The following ZNF679 variants were observed in gnomAD, a reference collection of about 807,000 sequenced individuals.
ZNF679 encodes hypothetical protein MGC42415.
ZNF679 carries 10 observed loss-of-function variants against 13.4 expected under a neutral mutation model. That is an observed-to-expected ratio of 0.75 (90% CI 0.46 to 1.27). ZNF679 has a LOEUF of 1.27. Ranked by LOEUF, ZNF679 falls within the 50% of genes most tolerant of loss-of-function variation. ZNF679 has a pLI of 0.00. For synonymous variants in ZNF679, 179 were observed against 162.5 expected (o/e 1.10, Z -0.77); for missense variants, 525 against 477.8 (o/e 1.10, Z -0.92).
chr7:64,234,776 A>G (rs1311390676), intron 1 of ZNF679, among the ~76,000 whole-genome samples: 1 of 152,170 alleles, frequency 6.6e-6, no homozygotes, highest in Non-Finnish European at 1.5e-5. Context: ...GAAGACTAAT[A>G]TACCTCTCAT....
intron 2 of ZNF679, among the ~76,000 whole-genome samples, chr7:64,259,178 C>T (rs1788043372): frequency 6.6e-6 from 1 of 152,148 alleles, no homozygotes; most frequent in Non-Finnish European, 1.5e-5. Context: ...CCACAAAGTG[C>T]TGGGATTACA....
chr7:64,235,314 CAT>C, intron 1 of ZNF679, among the ~76,000 whole-genome samples: 1 of 136,790 alleles, frequency 7.3e-6, no homozygotes, highest in Non-Finnish European at 1.6e-5. Context: ...ATAGAAACAA[CAT>C]ACAATAACTT....
intron 1 of ZNF679, among the ~76,000 whole-genome samples, chr7:64,233,253 C>CAAAAAAA: frequency 7.9e-6 from 1 of 126,246 alleles, no homozygotes; most frequent in Non-Finnish European, 1.7e-5. Flanking sequence ...AACAAATAAA[C>CAAAAAAA]AAAAAAAAAA....
At chr7:64,230,685 C>T (rs1282358562) in intron 1 of ZNF679, among the ~76,000 whole-genome samples, 2 of 152,126 alleles carry the variant, frequency 1.3e-5, no homozygotes, top group Non-Finnish European at 2.9e-5. Flanking sequence ...GTATATGTCA[C>T]AATCACACCT....
Position 64,266,292 on chromosome 7 carries a change from C to G in ZNF679, c.659C>G (p.Pro220Arg), listed in dbSNP as rs780897530. The G allele has an allele frequency of 2.5e-6, 4 of 1,604,364 alleles. No homozygotes were observed. In the South Asian group the frequency reaches 4.4e-5, roughly 18 times the overall value. ...NSYQCEECGK[P>R]FNCSSTLSKH... ...TACCAATGTGAAGAATGCGGCAAAC[C>G]CTTCAACTGCTCTTCAACCCTTTCT... The change falls in exon 5 of 5, where the codon CCC (proline) becomes CGC (arginine). Residue 220 changes from proline to arginine, a missense_variant. Pro to Arg is a moderately radical substitution (Grantham distance 103, BLOSUM62 -2). Coordinates refer to ENST00000421025, the MANE Select transcript of ZNF679 (RefSeq NM_153363.3).
intron 3 of ZNF679, among the ~76,000 whole-genome samples, 184 bp downstream of exon 3, chr7:64,260,531 T>C (rs932168999): frequency 1.3e-5 from 2 of 152,186 alleles, no homozygotes; most frequent in Non-Finnish European, 2.9e-5. Context: ...CTTTTCCCTT[T>C]CCTGAGCTTA....
chr7:64,256,209 G>T (rs952555801), intron 2 of ZNF679, among the ~76,000 whole-genome samples: 5 of 152,024 alleles, frequency 3.3e-5, no homozygotes, highest in African/African-American at 1.2e-4. Flanking sequence ...TAAAAATGAC[G>T]GTCTCCTGCT....
At position 64,266,214 on chromosome 7, in the gene ZNF679, G is replaced by T; in HGVS notation, c.581G>T (p.Cys194Phe). 6.3e-7 allele frequency: 1 copy of T among 1,580,726 alleles called. No individual in the cohort carries two copies. The highest frequency in any genetic ancestry group is 8.6e-7 in the Non-Finnish European group (1 of 1,161,762). The change falls in exon 5 of 5, where the codon TGC (cysteine) becomes TTC (phenylalanine). Residue 194 changes from cysteine to phenylalanine, a missense_variant. Cys to Phe is a radical substitution (Grantham distance 205). Transcript: ENST00000421025. Reference protein sequence around the residue: ...FKCKKYGKSFCMVSQLHQHQI... With the variant: ...FKCKKYGKSFFMVSQLHQHQI... Reference sequence around the variant, plus strand: ...TGTAAAAAATATGGCAAATCATTTTGCATGGTTTCACAACTACATCAACAT... The same window carrying T: ...TGTAAAAAATATGGCAAATCATTTTTCATGGTTTCACAACTACATCAACAT...
At chr7:64,236,987 GAAAGAAAGAAAGAA>G (rs57554867) in intron 1 of ZNF679, among the ~76,000 whole-genome samples, 3,227 of 54,444 alleles carry the variant, frequency 0.059, 275 homozygotes, top group African/African-American at 0.16. Context: ...AAGAAAGAAA[GAAAGAAAGAAAGAA>G]AAAGAAAGAA....
At chr7:64,258,520 G>A (rs2115592942) in intron 2 of ZNF679, among the ~76,000 whole-genome samples, 1 of 151,544 alleles carries the variant, frequency 6.6e-6, no homozygotes, top group South Asian at 2.1e-4. Context: ...GACCAACATG[G>A]TGAAAGTCCG....
At chr7:64,243,167 A>C (rs1787820289) in intron 1 of ZNF679, among the ~76,000 whole-genome samples, 1 of 152,198 alleles carries the variant, frequency 6.6e-6, no homozygotes, top group Non-Finnish European at 1.5e-5. Flanking sequence ...CACATGTAGA[A>C]GGCCCAGATC....
At chr7:64,253,140 T>A (rs1227446542) in intron 2 of ZNF679, among the ~76,000 whole-genome samples, 1 of 152,220 alleles carries the variant, frequency 6.6e-6, no homozygotes, top group African/African-American at 2.4e-5. Flanking sequence ...ATGATATGTG[T>A]ATTGTCTGAA....
At chr7:64,259,347 A>C (rs1414366008) in intron 2 of ZNF679, among the ~76,000 whole-genome samples, 1 of 152,206 alleles carries the variant, frequency 6.6e-6, no homozygotes, top group East Asian at 1.9e-4. Flanking sequence ...GTGGATACTC[A>C]AGATTTTTAC....
At chr7:64,238,572 G>A (rs1787756282) in intron 1 of ZNF679, among the ~76,000 whole-genome samples, 1 of 152,202 alleles carries the variant, frequency 6.6e-6, no homozygotes, top group East Asian at 1.9e-4. Context: ...ATTGTTAGTA[G>A]AGACAGGGTT....
intron 1 of ZNF679, among the ~76,000 whole-genome samples, chr7:64,231,568 T>C (rs1004069504): frequency 6.6e-6 from 1 of 152,196 alleles, no homozygotes; most frequent in African/African-American, 2.4e-5. Context: ...CTCATTAATA[T>C]GTCACAATCT....
intron 2 of ZNF679, among the ~76,000 whole-genome samples, chr7:64,254,706 A>G (rs1787981285): frequency 6.6e-6 from 1 of 152,116 alleles, no homozygotes; most frequent in African/African-American, 2.4e-5. Flanking sequence ...GGGCAATATG[A>G]TGAGACTGAG....
intron 1 of ZNF679, among the ~76,000 whole-genome samples, chr7:64,234,334 C>A (rs990664160): frequency 6.6e-6 from 1 of 152,194 alleles, no homozygotes; most frequent in Non-Finnish European, 1.5e-5. Context: ...AGAATTCAGA[C>A]CCCACCTCTA....
At chr7:64,229,903 C>T (rs1482773847) in intron 1 of ZNF679, among the ~76,000 whole-genome samples, 1 of 152,182 alleles carries the variant, frequency 6.6e-6, no homozygotes, top group Non-Finnish European at 1.5e-5. Flanking sequence ...GGCAGGAAAG[C>T]CACATCACCT....
intron 1 of ZNF679, among the ~76,000 whole-genome samples, chr7:64,234,195 C>A (rs925652952): frequency 1.3e-5 from 2 of 152,200 alleles, no homozygotes; most frequent in African/African-American, 4.8e-5. Flanking sequence ...GAAGGAGGAA[C>A]CTGACCTTCA....
Sources: allele counts gnomAD v4.1 joint callset (sites outside exome capture counted in the v4.1 genomes callset), GRCh38; gene constraint gnomAD v4.1.1; transcripts MANE v1.5; gene names NCBI Gene and HGNC (gene_info 2026-07-23, HGNC 2026-07-21).